POTEI: variants seen among roughly 807,000 people sequenced by gnomAD.
POTEI encodes the protein POTE ankyrin domain family, member I.
A neutral mutation model predicts 43.4 loss-of-function variants in POTEI; 14 were observed. The ratio of observed to expected loss-of-function variants is 0.32; its 90% CI spans 0.21 to 0.50. The LOEUF is 0.50. POTEI is among the 20% of genes least tolerant of loss of function. The pLI, the probability that POTEI is intolerant of heterozygous loss-of-function variation, is 0.98. For synonymous variants in POTEI, 95 were observed against 297.9 expected, an observed-to-expected ratio of 0.32 and a Z score of 7.01; for missense variants, 235 against 795.4, an observed-to-expected ratio of 0.30 and a Z score of 8.47.
At chr2:130,470,084 AC>A (rs1683006199) in intron 13 of POTEI, among the ~76,000 whole-genome samples, 1 of 107,922 alleles carries the variant, frequency 9.3e-6, no homozygotes, top group Non-Finnish European at 1.9e-5. Flanking sequence ...ACATATAATT[AC>A]CAGGCAAAAT....
At chr2:130,492,817 T>C (rs1307899578) in intron 6 of POTEI, among the ~76,000 whole-genome samples, 6 of 140,330 alleles carry the variant, frequency 4.3e-5, no homozygotes, top group African/African-American at 1.5e-4. Context: ...CCTATGAATT[T>C]AACTAATAAT....
At chr2:130,468,978 C>T (rs2105056655) in intron 13 of POTEI, among the ~76,000 whole-genome samples, 1 of 150,960 alleles carries the variant, frequency 6.6e-6, no homozygotes, top group Middle Eastern at 3.4e-3. Context: ...CAGAATATGA[C>T]TATCATATAC....
At chr2:130,493,223 A>G (rs1683814538) in intron 6 of POTEI, among the ~76,000 whole-genome samples, 1 of 75,662 alleles carries the variant, frequency 1.3e-5, no homozygotes, top group Admixed American at 1.6e-4. Flanking sequence ...CTTTTCTGGC[A>G]GCTGTGACTC....
At chr2:130,479,793 GCA>G (rs1683340857) in intron 10 of POTEI, among the ~76,000 whole-genome samples, 1 of 35,748 alleles carries the variant, frequency 2.8e-5, no homozygotes, top group African/African-American at 1.0e-4. Flanking sequence ...AGCCCCTGCA[GCA>G]CACATTGTTG....
chr2:130,483,247 A>G (rs1393272565), intron 9 of POTEI, among the ~76,000 whole-genome samples: 1 of 92,404 alleles, frequency 1.1e-5, no homozygotes, highest in Admixed American at 1.3e-4. Context: ...CGCCTTATGC[A>G]AGGGCCAGCT....
intron 1 of POTEI, among the ~76,000 whole-genome samples, chr2:130,507,290 A>ATATATATATATATATATATATATG (rs1684191666): frequency 1.1e-4 from 1 of 9,418 alleles, no homozygotes; most frequent in African/African-American, 1.3e-4. Context: ...ATATATATAT[A>ATATATATATATATATATATATATG]TATATATATA....
Position 130,500,594 on chromosome 2 carries a change from C to T in POTEI, c.859G>A (p.Val287Met), listed in dbSNP as rs777568777. 6.2e-7 allele frequency: 1 copy of T among 1,610,270 alleles called. No homozygotes were observed. Among genetic ancestry groups the T allele is most frequent in the African/African-American group, 1.3e-5 (1 of 74,666 alleles). Reference protein sequence around the residue: ...LLGVHEQKQQVVKFLIKKKAN... With the variant: ...LLGVHEQKQQMVKFLIKKKAN... ...TTTTTCTTGATTAAAAATTTCACCA[C>T]TTGCTGTTTTTGCTCATGTACACCA... Residue 287 changes from valine (V) to methionine (M), a missense_variant, in exon 4 of 15, where the codon GTG becomes ATG. Physicochemically the swap from Val to Met is conservative, Grantham distance 21. Coordinates refer to ENST00000451531, the MANE Select transcript of POTEI (RefSeq NM_001277406.2).
At chr2:130,496,824 C>G (rs2918633) in intron 5 of POTEI, among the ~76,000 whole-genome samples, 3 of 97,630 alleles carry the variant, frequency 3.1e-5, no homozygotes, top group Admixed American at 1.3e-4. Context: ...AGGTGAAATA[C>G]TCATAAATCA....
Position 130,509,201 on chromosome 2 carries a change from G to C in POTEI, c.35C>G (p.Ser12Cys), listed in dbSNP as rs756011957. The change falls in exon 1 of 15, where the codon TCT (serine) becomes TGT (cysteine). Residue 12 changes from serine (S) to cysteine (C), a missense_variant. Physicochemically the swap from Ser to Cys is moderately radical, Grantham distance 112. Coordinates refer to ENST00000451531, the MANE Select transcript of POTEI (RefSeq NM_001277406.2). Reference sequence around the variant, plus strand: ...GAGAACAAATGGCTTCTTCACAGAAGAGGCAGCCGGCATTGAATCAACCTC... The same window carrying C: ...GAGAACAAATGGCTTCTTCACAGAACAGGCAGCCGGCATTGAATCAACCTC... ...VAEVDSMPAA[S>C]SVKKPFVLRS... The C allele has an allele frequency of 2.0e-6, 3 of 1,476,520 alleles. No individual in the cohort carries two copies. Among genetic ancestry groups the C allele is most frequent in the South Asian group, 2.4e-5 (2 of 83,770 alleles). The allele number at this position is 1,476,520 out of a possible 1,614,324, so 91.5% of individuals were successfully genotyped here. A position where few individuals can be genotyped will look rare whatever the true frequency, so the allele number is the denominator to read the frequency against.
At chr2:130,477,448 T>C (rs62163591) in intron 10 of POTEI, among the ~76,000 whole-genome samples, 120,650 of 147,980 alleles carry the variant, frequency 0.82, 48,589 homozygotes, top group South Asian at 0.94. Flanking sequence ...CTTATTTTCA[T>C]CTTTTGAAAC....
At chr2:130,494,414 GATATTTATTATCCCA>G (rs1683842844) in intron 6 of POTEI, among the ~76,000 whole-genome samples, 1 of 12,454 alleles carries the variant, frequency 8.0e-5, no homozygotes, top group Admixed American at 1.1e-3. Context: ...AGTCTATTGG[GATATTTATTATCCCA>G]ATCCCCCTCC....
intron 10 of POTEI, among the ~76,000 whole-genome samples, chr2:130,479,594 A>C (rs1183428176): frequency 1.6e-5 from 1 of 60,754 alleles, no homozygotes; most frequent in Non-Finnish European, 3.3e-5. Flanking sequence ...ACATATAATC[A>C]TGGTGGCTTT....
chr2:130,479,552 T>A lies in POTEI; in HGVS notation c.1480+2451A>T, dbSNP rs201819979. Among the ~76,000 whole-genome samples, 53 of 73,262 alleles carry A rather than the reference T, an allele frequency of 7.2e-4. 1 individual carries two copies. In the East Asian group the frequency reaches 0.027, roughly 37 times the overall value. The allele number at this position is 73,262 out of a possible 152,430, so 48.1% of individuals were successfully genotyped here. On this transcript the variant is annotated intron_variant, in intron 10 of 14. Transcript: ENST00000451531. ...CTGCATTATGGTTTTGTAAATAAAG[T>A]TTTATAGGAGCTCAGTCATGCCTGT...
rs938679454 is a variant in POTEI at position 130,483,969 on chromosome 2, G to A, written c.1410-1896C>T. ...TTATTTAACAAGTATTTATTAGGTA[G>A]CTACATCCAATATGCTAAGCCTTTT... On this transcript the variant is annotated intron_variant, in intron 9 of 14. Coordinates refer to ENST00000451531, the MANE Select transcript of POTEI (RefSeq NM_001277406.2). Among the ~76,000 whole-genome samples, 49 of 150,060 alleles carry A rather than the reference G, an allele frequency of 3.3e-4. 1 individual carries two copies. The highest frequency in any genetic ancestry group is 1.2e-3 in the African/African-American group (47 of 40,260).
rs539861079 is a variant in POTEI, at chr2:130,482,612, C to A, written c.1410-539G>T. Among the ~76,000 whole-genome samples the A allele has an allele frequency of 2.7e-5, 4 of 150,508 alleles. No individual in the cohort carries two copies. In the East Asian group the frequency reaches 6.0e-4, roughly 23 times the overall value. On this transcript the variant is annotated intron_variant, in intron 9 of 14. Transcript: ENST00000451531. ...AATTTTGTTCATAGGTTCTAATATG[C>A]AAATGTTGTAGTTTTCAGGAAACGT...
At chr2:130,468,613 T>C (rs1682934038) in intron 13 of POTEI, among the ~76,000 whole-genome samples, 1 of 151,124 alleles carries the variant, frequency 6.6e-6, no homozygotes, top group African/African-American at 2.4e-5. Context: ...ACCGACCCCA[T>C]GAGCCAATCA....
chr2:130,491,474 G>A (rs1228530660), intron 6 of POTEI, among the ~76,000 whole-genome samples: 12 of 133,176 alleles, frequency 9.0e-5, no homozygotes, highest in Admixed American at 1.6e-4. Context: ...GAGCTGGTGC[G>A]AACCTAAATG....
intron 10 of POTEI, among the ~76,000 whole-genome samples, chr2:130,479,197 A>T (rs1286672595): frequency 1.3e-5 from 2 of 148,502 alleles, no homozygotes; most frequent in East Asian, 2.0e-4. Flanking sequence ...TCCCACTGCC[A>T]CTGGGAACAT....
At chr2:130,474,063 A>T (rs1468361274) in intron 13 of POTEI, among the ~76,000 whole-genome samples, 10 of 147,208 alleles carry the variant, frequency 6.8e-5, no homozygotes, top group African/African-American at 2.1e-4. Context: ...AATAATCTGT[A>T]CCCCAAGCCT....
Sources: allele counts gnomAD v4.1 joint callset (sites outside exome capture counted in the v4.1 genomes callset), GRCh38; gene constraint gnomAD v4.1.1; transcripts MANE v1.5; gene names NCBI Gene and HGNC (gene_info 2026-07-23, HGNC 2026-07-21).